Variants in DPP3 observed in about 807,000 individuals in gnomAD.
The protein encoded by DPP3 is dipeptidyl peptidase 3, also known as DPP III.
DPP3 carries 64 observed loss-of-function variants against 89.8 expected under a neutral mutation model. The ratio of observed to expected loss-of-function variants is 0.71; its 90% CI spans 0.58 to 0.88. The LOEUF (loss-of-function observed/expected upper bound fraction) is 0.88, where lower values mean the gene tolerates loss of function less well. DPP3 is among the 40% of genes least tolerant of loss of function. The pLI is 0.00. For synonymous variants in DPP3, 377 were observed against 404.3 expected, an observed-to-expected ratio of 0.93 and a Z score of 0.81; for missense variants, 835 against 972.5, an observed-to-expected ratio of 0.86 and a Z score of 1.88.
chr11:66,487,944 A>G lies in DPP3; in HGVS notation c.604A>G (p.Lys202Glu). The change falls in exon 6 of 18, where the codon AAA (lysine) becomes GAA (glutamate). Residue 202 changes from lysine (K) to glutamate (E), a missense_variant. Transcript: ENST00000531863. ...CAGTGCCTACAACACCCGGCTCTTC[A>G]AAGAGGTCGATGGAGAAGGGAAGCC... ...NLSAYNTRLF[K>E]EVDGEGKPYY... 2 of 1,614,038 alleles carry G rather than the reference A, an allele frequency of 1.2e-6. No individual in the cohort carries two copies. The highest frequency in any genetic ancestry group is 1.7e-6 in the Non-Finnish European group (2 of 1,179,982).
At chr11:66,485,113 G>T (rs1250083306) in intron 2 of DPP3, 60 bp from the exon 3 acceptor site, 1 of 1,490,432 alleles carries the variant, frequency 6.7e-7, no homozygotes, top group Non-Finnish European at 9.3e-7. Flanking sequence ...TCAGGAGGAG[G>T]TGTCGCTGGG....
rs764992580 is a variant in DPP3, at chr11:66,495,728, C to G, written c.1676C>G (p.Pro559Arg). The G allele has an allele frequency of 6.2e-7, 1 of 1,611,776 alleles. No homozygotes were observed. Among genetic ancestry groups the G allele is most frequent in the Non-Finnish European group, 8.5e-7 (1 of 1,179,198 alleles). ...CTGCTCGCTCTGGAGTTCTACACAC[C>G]TGAGGCCTTCAACTGGCGACAGGTA... is the stretch of plus-strand genomic sequence containing the variant. Reference protein sequence around the residue: ...AGLLALEFYTPEAFNWRQAHM... With the variant: ...AGLLALEFYTREAFNWRQAHM... The change falls in exon 15 of 18, where the codon CCT (proline) becomes CGT (arginine). Residue 559 changes from proline to arginine, a missense_variant. Physicochemically the swap from Pro to Arg is moderately radical, Grantham distance 103. Coordinates refer to ENST00000531863, the MANE Select transcript of DPP3 (RefSeq NM_130443.4).
chr11:66,491,452 T>G (rs753547074), intron 7 of DPP3, 42 bp from the exon 8 acceptor site: 37 of 1,595,558 alleles, frequency 2.3e-5, no homozygotes, highest in Non-Finnish European at 3.0e-5. Flanking sequence ...GGTGTGGAGG[T>G]GGGTGGGTGG....
chr11:66,504,043 G>A (rs1323068487), intron 16 of DPP3, among the ~76,000 whole-genome samples: 2 of 152,210 alleles, frequency 1.3e-5, no homozygotes, highest in Non-Finnish European at 2.9e-5. Flanking sequence ...AGAGGAATGG[G>A]AGGAATGCTG....
chr11:66,502,221 G>T (rs1855695375), intron 16 of DPP3, among the ~76,000 whole-genome samples: 3 of 152,006 alleles, frequency 2.0e-5, no homozygotes, highest in Admixed American at 2.0e-4. Context: ...AAGGATAGTG[G>T]TTTCCTTAGA....
At chr11:66,491,223 T>A in intron 6 of DPP3, 30 bp from the exon 7 acceptor site, 1 of 1,611,664 alleles carries the variant, frequency 6.2e-7, no homozygotes, top group Non-Finnish European at 8.5e-7. Context: ...ACTCCAGCCT[T>A]TTCTCTTGAA....
intron 16 of DPP3, among the ~76,000 whole-genome samples, chr11:66,502,700 G>A (rs1855709814): frequency 6.6e-6 from 1 of 152,062 alleles, no homozygotes; most frequent in Admixed American, 6.6e-5. Context: ...TCCTGACCTC[G>A]TGATCCACCC....
intron 16 of DPP3, 129 bp downstream of exon 16, chr11:66,497,606 T>C: frequency 7.6e-7 from 1 of 1,307,674 alleles, no homozygotes; most frequent in South Asian, 1.6e-5. Flanking sequence ...CCAGTAAACA[T>C]GTAAGCGCAC....
At chr11:66,508,560 T>A (rs915803477) in intron 17 of DPP3, among the ~76,000 whole-genome samples, 31 of 152,196 alleles carry the variant, frequency 2.0e-4, no homozygotes, top group Admixed American at 4.6e-4. Flanking sequence ...AATCTCACTG[T>A]CACCCAGGCT....
At chr11:66,486,728 A>G in intron 4 of DPP3, 51 bp downstream of exon 4, 1 of 1,436,162 alleles carries the variant, frequency 7.0e-7, no homozygotes, top group Non-Finnish European at 9.2e-7. Flanking sequence ...GAATCCTTCA[A>G]GGCCACCTGG....
At position 66,486,694 on chromosome 11, in the gene DPP3, C is replaced by T; in HGVS notation, c.498+17C>T. ...GGGAAGGAGGTGAGGCCCCTGACTC[C>T]CCCGAGGGGACAGGGAGTGGAGGGA... On this transcript the variant is annotated intron_variant, in intron 4 of 17. Coordinates refer to ENST00000531863, the MANE Select transcript of DPP3 (RefSeq NM_130443.4). 1.3e-6 allele frequency: 2 copies of T among 1,489,464 alleles called. No individual in the cohort carries two copies. The highest frequency in any genetic ancestry group is 1.4e-5 in the African/African-American group (1 of 70,008). The allele number at this position is 1,489,464 out of a possible 1,614,324, so 92.3% of individuals were successfully genotyped here.
At chr11:66,501,097 A>C (rs1590745480) in intron 16 of DPP3, among the ~76,000 whole-genome samples, 1 of 152,160 alleles carries the variant, frequency 6.6e-6, no homozygotes, top group East Asian at 1.9e-4. Flanking sequence ...CTGAGGCAGG[A>C]GAATCGCTTG....
chr11:66,495,985 T>A (rs1317553319), intron 15 of DPP3, among the ~76,000 whole-genome samples: 1 of 152,138 alleles, frequency 6.6e-6, no homozygotes, highest in Non-Finnish European at 1.5e-5. Context: ...TGAGGTGACT[T>A]TATTAGGACT....
intron 17 of DPP3, 124 bp from the exon 18 acceptor site, chr11:66,508,955 G>GT (rs372110179): frequency 1.5e-4 from 196 of 1,265,738 alleles, no homozygotes; most frequent in Non-Finnish European, 1.9e-4. Flanking sequence ...TAGAGCACAG[G>GT]TTTTTTTGGC....
rs769288496 is a variant in DPP3, at chr11:66,491,296, T to C, written c.711T>C (p.Tyr237=). 2.2e-5 allele frequency: 36 copies of C among 1,613,820 alleles called. No homozygotes were observed. Among genetic ancestry groups the C allele is most frequent in the Non-Finnish European group, 3.0e-5 (35 of 1,179,996 alleles). The change falls in exon 7 of 18, where the codon TAT becomes TAC. Residue 237 remains tyrosine (Y), a synonymous_variant. Transcript: ENST00000531863. The part of the protein sequence containing the change: ...DSEVTSKLKS[Y]EFRGSPFQVT... ...AGGTGACTTCCAAGCTGAAGAGCTATGAATTCCGGGGAAGCCCTTTCCAGG... is the reference window on the plus strand; with the variant it reads ...AGGTGACTTCCAAGCTGAAGAGCTACGAATTCCGGGGAAGCCCTTTCCAGG...
chr11:66,492,245 C>T (rs556585347), intron 9 of DPP3, among the ~76,000 whole-genome samples: 2 of 152,294 alleles, frequency 1.3e-5, no homozygotes, highest in East Asian at 1.9e-4. Context: ...GGACCTGACC[C>T]GGGGCTGTCA....
chr11:66,482,296 C>G lies in DPP3; in HGVS notation c.96C>G (p.Leu32=). ...GCCTGCTGTCACCCACAGAGCGCCT[C>G]TATGCCTACCACCTGTCCCGTGCCG... ...AFRLLSPTER[L]YAYHLSRAAW... The change falls in exon 2 of 18, where the codon CTC becomes CTG. Residue 32 remains leucine, a synonymous_variant. Transcript: ENST00000531863. 1.2e-6 allele frequency: 2 copies of G among 1,614,176 alleles called. No homozygotes were observed. Among genetic ancestry groups the G allele is most frequent in the Non-Finnish European group, 1.7e-6 (2 of 1,180,052 alleles).
chr11:66,484,360 G>T (rs1270567086), intron 2 of DPP3, among the ~76,000 whole-genome samples: 1 of 152,128 alleles, frequency 6.6e-6, no homozygotes, highest in Non-Finnish European at 1.5e-5. Flanking sequence ...TGGGTCACAT[G>T]CTTGAAAAGT....
At chr11:66,491,025 T>C (rs562862372) in intron 6 of DPP3, among the ~76,000 whole-genome samples, 19 of 152,256 alleles carry the variant, frequency 1.2e-4, no homozygotes, top group Admixed American at 5.9e-4. Flanking sequence ...CGTCTCAGCC[T>C]CCCAAAGTGC....
Sources: gnomAD v4.1 joint callset for allele counts (sites outside exome capture counted in the v4.1 genomes callset) on GRCh38, gnomAD v4.1.1 for gene constraint, MANE v1.5 for transcripts, NCBI Gene and HGNC (gene_info 2026-07-23, HGNC 2026-07-21) for gene names.